The following ALCAM variants were observed in gnomAD, a reference collection of about 807,000 sequenced individuals.
ALCAM encodes the protein CD166 antigen.
In ALCAM, 30 loss-of-function variants were observed where a neutral mutation model predicts 70.9. That is an observed-to-expected ratio of 0.42 (90% CI 0.32 to 0.57). ALCAM has a LOEUF of 0.57. Among genes scored for constraint, ALCAM ranks in the 20% least tolerant of loss-of-function variants. The pLI is 0.11. For synonymous variants in ALCAM, 249 were observed against 242.5 expected (o/e 1.03, Z -0.25); for missense variants, 591 against 695.1 (o/e 0.85, Z 1.68).
intron 1 of ALCAM, among the ~76,000 whole-genome samples, chr3:105,509,729 A>G (rs377073754): frequency 1.6e-3 from 240 of 152,082 alleles, no homozygotes; most frequent in African/African-American, 5.5e-3. Context: ...TTAGTTTAAT[A>G]TAGTCTTACC....
rs755883922 is a variant in ALCAM, at chr3:105,524,439, A to G, written c.325A>G (p.Lys109Glu). Residue 109 changes from lysine (K) to glutamate (E), a missense_variant, in exon 3 of 16, where the codon AAG (lysine) becomes GAG (glutamate). Physicochemically the swap from Lys to Glu is moderately conservative, Grantham distance 56 (BLOSUM62 1). This residue lies in a region of ALCAM where 427 missense variants were observed against 450.4 expected (regional missense o/e 0.95). Transcript: ENST00000306107. ...CAGTAATGCAAGGATCAGTGATGAA[A>G]AGAGATTTGTGTGCATGCTAGTAAC... ...SISNARISDE[K>E]RFVCMLVTED... The G allele has an allele frequency of 1.2e-6, 2 of 1,614,144 alleles. No homozygotes were observed. The highest frequency in any genetic ancestry group is 8.5e-7 in the Non-Finnish European group (1 of 1,179,994).
At chr3:105,416,328 C>G (rs1936507103) in intron 1 of ALCAM, among the ~76,000 whole-genome samples, 1 of 151,934 alleles carries the variant, frequency 6.6e-6, no homozygotes, top group Admixed American at 6.6e-5. Context: ...TTAATACACC[C>G]TATATAGTTG....
chr3:105,460,973 T>A (rs1042887094), intron 1 of ALCAM, among the ~76,000 whole-genome samples: 1 of 150,884 alleles, frequency 6.6e-6, no homozygotes, highest in South Asian at 2.1e-4. Flanking sequence ...GCTTCAGGAC[T>A]TTTTAGAGAT....
chr3:105,434,480 C>T (rs940163077), intron 1 of ALCAM, among the ~76,000 whole-genome samples: 11 of 152,116 alleles, frequency 7.2e-5, no homozygotes, highest in Middle Eastern at 6.8e-3. Flanking sequence ...TTTAAAATGG[C>T]TTGTCCTTAC....
chr3:105,549,232 T>A (rs922163227), intron 11 of ALCAM, among the ~76,000 whole-genome samples: 1 of 151,454 alleles, frequency 6.6e-6, no homozygotes, highest in African/African-American at 2.4e-5. Flanking sequence ...GATGCATCCA[T>A]AATCACAATT....
At chr3:105,373,802 C>T (rs1288775810) in intron 1 of ALCAM, among the ~76,000 whole-genome samples, 4 of 152,128 alleles carry the variant, frequency 2.6e-5, no homozygotes, top group Non-Finnish European at 4.4e-5. Context: ...GCATTAAATA[C>T]AGTAGAAGCA....
intron 1 of ALCAM, among the ~76,000 whole-genome samples, chr3:105,466,947 T>C (rs962016796): frequency 6.6e-6 from 1 of 151,380 alleles, no homozygotes; most frequent in African/African-American, 2.4e-5. Flanking sequence ...GAAACTGATT[T>C]ATAGAGCAAA....
intron 1 of ALCAM, among the ~76,000 whole-genome samples, chr3:105,417,372 TAG>T (rs1368671736): frequency 2.0e-5 from 3 of 151,822 alleles, no homozygotes; most frequent in African/African-American, 7.2e-5. Context: ...TCCTTGAAAA[TAG>T]AGACAATTTC....
At position 105,575,498 on chromosome 3, in the gene ALCAM, G is replaced by A. The variant is rs968527748; in HGVS notation, c.*1047G>A. On this transcript the variant is annotated 3_prime_UTR_variant, in exon 16 of 16. Coordinates refer to ENST00000306107, the MANE Select transcript of ALCAM (RefSeq NM_001627.4). ...GTGTGTTTTTGTTAACTACCCTACA[G>A]ATATTGAATGCACCTTGAGATAATT... is the stretch of plus-strand genomic sequence containing the variant. 1 of 152,458 alleles carries A rather than the reference G, an allele frequency of 6.6e-6. No homozygotes were observed. Among genetic ancestry groups the A allele is most frequent in the Non-Finnish European group, 1.5e-5 (1 of 68,012 alleles). 9.4% of individuals were successfully genotyped at this position (152,458 alleles called of 1,614,324 possible).
intron 7 of ALCAM, among the ~76,000 whole-genome samples, chr3:105,541,233 T>C (rs1188250323): frequency 1.3e-5 from 2 of 151,744 alleles, no homozygotes; most frequent in Non-Finnish European, 2.9e-5. Context: ...TCCTTCCTTC[T>C]TTCCTTCCTT....
chr3:105,505,086 A>G (rs9847823), intron 1 of ALCAM, among the ~76,000 whole-genome samples: 146,344 of 152,318 alleles, frequency 0.96, 70,552 homozygotes, highest in East Asian at 1. Context: ...TAATTGCTAC[A>G]CTCTGCTGCT....
intron 2 of ALCAM, among the ~76,000 whole-genome samples, chr3:105,521,569 T>A: frequency 6.6e-6 from 1 of 152,172 alleles, no homozygotes; most frequent in East Asian, 1.9e-4. Flanking sequence ...GGTTCCACAA[T>A]GTGCTCACTG....
At chr3:105,479,768 T>A (rs1423976043) in intron 1 of ALCAM, among the ~76,000 whole-genome samples, 1 of 152,130 alleles carries the variant, frequency 6.6e-6, no homozygotes, top group African/African-American at 2.4e-5. Context: ...GAAAATTAGC[T>A]GTTGAGATTT....
At position 105,541,716 on chromosome 3, in the gene ALCAM, C is replaced by T. The variant is rs1284473513; in HGVS notation, c.942C>T (p.Ser314=). 1 of 1,612,234 alleles carries T rather than the reference C, an allele frequency of 6.2e-7. No homozygotes were observed. The highest frequency in any genetic ancestry group is 1.7e-5 in the Admixed American group (1 of 59,862). The change falls in exon 8 of 16, where the codon TCC becomes TCT. Residue 314 remains serine (S), a synonymous_variant. Coordinates refer to ENST00000306107, the MANE Select transcript of ALCAM (RefSeq NM_001627.4). ...RRNATGDYKC[S]LIDKKSMIAS... is the part of the protein sequence containing the mutation. ...ATGCAACAGGAGACTACAAGTGTTC[C>T]CTGATAGACAAAAAAAGCATGATTG... is the stretch of plus-strand genomic sequence containing the variant.
At chr3:105,505,362 G>A (rs1414324725) in intron 1 of ALCAM, among the ~76,000 whole-genome samples, 1 of 152,204 alleles carries the variant, frequency 6.6e-6, no homozygotes, top group Non-Finnish European at 1.5e-5. Context: ...GAGGAAGAGA[G>A]TGATGAGGAA....
rs59389132 is a variant in ALCAM, at chr3:105,454,653, A to ATTTTTTTT, written c.74-65387_74-65380dup. On this transcript the variant is annotated intron_variant, in intron 1 of 15. Transcript: ENST00000306107. ...ATTGGCACATAGTAGATGCTCATTAATTTTTTTTTTTTTTTTTTTTTTTTT... is the reference window on the plus strand; with the variant it reads ...ATTGGCACATAGTAGATGCTCATTAATTTTTTTTTTTTTTTTTTTTTTTTTTTTTTTTT... 1.6e-3 allele frequency among the ~76,000 whole-genome samples: 99 copies of ATTTTTTTT among 61,804 alleles called. 1 individual carries two copies. Among genetic ancestry groups the ATTTTTTTT allele is most frequent in the African/African-American group, 1.9e-3 (28 of 14,614 alleles). The allele number at this position is 61,804 out of a possible 152,430, so 40.5% of individuals were successfully genotyped here.
intron 1 of ALCAM, among the ~76,000 whole-genome samples, chr3:105,408,046 G>C (rs1936293712): frequency 6.6e-6 from 1 of 151,990 alleles, no homozygotes; most frequent in African/African-American, 2.4e-5. Context: ...AAACACTGCT[G>C]AAAGAAATAA....
chr3:105,500,132 T>C (rs902366092), intron 1 of ALCAM, among the ~76,000 whole-genome samples: 2 of 150,110 alleles, frequency 1.3e-5, no homozygotes, highest in East Asian at 2.0e-4. Flanking sequence ...TCCCAAATTA[T>C]TTCTTAAGTG....
At chr3:105,484,919 A>G (rs1366642194) in intron 1 of ALCAM, among the ~76,000 whole-genome samples, 1 of 152,130 alleles carries the variant, frequency 6.6e-6, no homozygotes, top group Non-Finnish European at 1.5e-5. Context: ...GCCCATAGAC[A>G]AAATTAAAGT....
Sources: allele counts gnomAD v4.1 joint callset (sites outside exome capture counted in the v4.1 genomes callset), GRCh38; gene constraint gnomAD v4.1.1; regional missense constraint gnomAD v4.1.1; transcripts MANE v1.5; gene names NCBI Gene and HGNC (gene_info 2026-07-23, HGNC 2026-07-21).